SYNDIG1L: variants seen among roughly 807,000 people sequenced by gnomAD.
SYNDIG1L encodes the protein synapse differentiation inducing 1 like.
SYNDIG1L carries 13 observed loss-of-function variants against 20.1 expected under a neutral mutation model. The observed-to-expected ratio is 0.65, with a 90% confidence interval of 0.42 to 1.03. The LOEUF is 1.03. Ranked by LOEUF, SYNDIG1L falls within the 50% of genes least tolerant of loss-of-function variation. The pLI is 0.00. For synonymous variants in SYNDIG1L, 128 were observed against 129.3 expected (o/e 0.99, Z 0.07); for missense variants, 294 against 305.1 (o/e 0.96, Z 0.27).
At chr14:74,465,310 G>C in the SYNDIG1L span, among the ~76,000 whole-genome samples, 1 of 152,220 alleles carries the variant, frequency 6.6e-6, no homozygotes, top group African/African-American at 2.4e-5. Context: ...TCAGAGTTCA[G>C]TTAGGCCCAG....
At chr14:74,423,404 T>C (rs2086239912) in intron 1 of SYNDIG1L, among the ~76,000 whole-genome samples, 3 of 152,340 alleles carry the variant, frequency 2.0e-5, no homozygotes, top group South Asian at 2.1e-4. Context: ...TTGCTGCTGC[T>C]GCTGCCGTCA....
In SYNDIG1L at chr14:74,406,127, C is replaced by A. The variant is rs2086076829; in HGVS notation, c.*1408G>T. ...TGTAGCTTGAGTCCAGACAGGCCTG[C>A]CCACATTGGTGCTGCCCCCCGCCTA... On this transcript the variant is annotated 3_prime_UTR_variant, in exon 4 of 4. Transcript: ENST00000331628. 1 of 398,738 alleles carries A rather than the reference C, an allele frequency of 2.5e-6. No individual in the cohort carries two copies. The highest frequency in any genetic ancestry group is 2.1e-5 in the African/African-American group (1 of 48,592). 24.7% of individuals were successfully genotyped at this position (398,738 alleles called of 1,614,324 possible).
At chr14:74,426,275 C>T (rs1566586818), upstream of SYNDIG1L, among the ~76,000 whole-genome samples, 1 of 152,100 alleles carries the variant, frequency 6.6e-6, no homozygotes, top group Non-Finnish European at 1.5e-5. Flanking sequence ...CCTCTCGCTT[C>T]CGTGCTCCGT....
At chr14:74,473,279 C>G in the SYNDIG1L span, among the ~76,000 whole-genome samples, 1 of 151,786 alleles carries the variant, frequency 6.6e-6, no homozygotes, top group Non-Finnish European at 1.5e-5. Flanking sequence ...TAGCTACTCA[C>G]GAGGCTGAGG....
At chr14:74,452,867 C>T in the SYNDIG1L span, among the ~76,000 whole-genome samples, 21 of 152,070 alleles carry the variant, frequency 1.4e-4, no homozygotes, top group Admixed American at 5.2e-4. Flanking sequence ...GAATAAAATA[C>T]GATATATCCA....
At chr14:74,460,423 T>G in the SYNDIG1L span, among the ~76,000 whole-genome samples, 1 of 152,124 alleles carries the variant, frequency 6.6e-6, no homozygotes, top group African/African-American at 2.4e-5. Flanking sequence ...CACAGCCACC[T>G]CCTGAACCTG....
At chr14:74,409,218 A>G in intron 2 of SYNDIG1L, 110 bp downstream of exon 2, 1 of 803,522 alleles carries the variant, frequency 1.2e-6, no homozygotes, top group Non-Finnish European at 1.9e-6. Flanking sequence ...AGCTGGGACC[A>G]CAGGCACATG....
In SYNDIG1L at chr14:74,412,548, G is replaced by A. The variant is rs192327710; in HGVS notation, c.-57-2747C>T. On this transcript the variant is annotated intron_variant, in intron 1 of 3. Coordinates refer to ENST00000331628, the MANE Select transcript of SYNDIG1L (RefSeq NM_001105579.2). ...TCCTATGCCCCCAAGGAACACCACAGAAGTGAAGTCTTGTTGTCCTCTGCC... is the reference window on the plus strand; with the variant it reads ...TCCTATGCCCCCAAGGAACACCACAAAAGTGAAGTCTTGTTGTCCTCTGCC... Among the ~76,000 whole-genome samples the A allele has an allele frequency of 1.8e-4, 27 of 152,326 alleles. 1 individual carries two copies. The East Asian group carries it at 4.4e-3, about 25-fold the overall frequency.
chr14:74,473,332 A>T, the SYNDIG1L span, among the ~76,000 whole-genome samples: 3 of 152,212 alleles, frequency 2.0e-5, no homozygotes, highest in East Asian at 5.8e-4. Flanking sequence ...TTGCAGTGAG[A>T]TGAGATCATG....
chr14:74,472,918 A>G, the SYNDIG1L span, among the ~76,000 whole-genome samples: 2 of 152,098 alleles, frequency 1.3e-5, no homozygotes, highest in African/African-American at 4.8e-5. Flanking sequence ...GAGTCAGAGG[A>G]GGGGGGCGGA....
chr14:74,468,438 C>A, the SYNDIG1L span, among the ~76,000 whole-genome samples: 1 of 152,038 alleles, frequency 6.6e-6, no homozygotes, highest in Admixed American at 6.6e-5. Flanking sequence ...CCTCATTTGA[C>A]CTTCCCTTTA....
At chr14:74,444,643 T>C in the SYNDIG1L span, among the ~76,000 whole-genome samples, 3 of 151,776 alleles carry the variant, frequency 2.0e-5, no homozygotes, top group African/African-American at 4.8e-5. Context: ...TCTAGCTACC[T>C]GGGAGGCTGA....
intron 1 of SYNDIG1L, 111 bp from the exon 2 acceptor site, chr14:74,409,912 GC>G: frequency 1.2e-6 from 1 of 851,294 alleles, no homozygotes; most frequent in East Asian, 3.3e-5. Flanking sequence ...CTCTGCCTCT[GC>G]CCTTTGCAAG....
rs1434177266 is a variant in SYNDIG1L at position 74,407,962 on chromosome 14, T to C, written c.445A>G (p.Ser149Gly). The C allele has an allele frequency of 1.1e-5, 18 of 1,613,046 alleles. No homozygotes were observed. The highest frequency in any genetic ancestry group is 1.5e-5 in the Non-Finnish European group (18 of 1,179,520). ...GGCAGCGTGAGGAAGTTGTCTTCAC[T>C]TTCACTCTCCGTTGAAGTGGCATCG... ...ESDATSTESE[S>G]EDNFLTLPPR... is the part of the protein sequence containing the mutation. The change falls in exon 3 of 4, where the codon AGT (serine) becomes GGT (glycine). Residue 149 changes from serine (S) to glycine (G), a missense_variant. By Grantham distance (56) the Ser-to-Gly change is moderately conservative. Transcript: ENST00000331628.
At chr14:74,425,186 CAGAA>C (rs149808111) in intron 1 of SYNDIG1L, among the ~76,000 whole-genome samples, 3,191 of 152,276 alleles carry the variant, frequency 0.021, 108 homozygotes, top group African/African-American at 0.074. Flanking sequence ...GCACTCTTGC[CAGAA>C]AGAGAGAGAA....
At chr14:74,450,017 T>G in the SYNDIG1L span, among the ~76,000 whole-genome samples, 1 of 152,096 alleles carries the variant, frequency 6.6e-6, no homozygotes, top group Non-Finnish European at 1.5e-5. Flanking sequence ...ATTGCTAACA[T>G]CAGGAGTGAG....
chr14:74,448,838 G>C, the SYNDIG1L span, among the ~76,000 whole-genome samples: 5 of 152,276 alleles, frequency 3.3e-5, no homozygotes, highest in African/African-American at 9.6e-5. Flanking sequence ...AGAGGCTGAG[G>C]CAGGAGGATC....
In SYNDIG1L at chr14:74,420,470, G is replaced by A. The variant is rs114651638; in HGVS notation, c.-58+5442C>T. 2.8e-3 allele frequency among the ~76,000 whole-genome samples: 421 copies of A among 151,688 alleles called. 4 individuals carry two copies. The highest frequency in any genetic ancestry group is 9.6e-3 in the African/African-American group (396 of 41,310). ...GTGGCAGAATTGAAAAGGAGGAAGA[G>A]TCAGATCTAAGGAGCAATTAGGAGG... On this transcript the variant is annotated intron_variant, in intron 1 of 3. Coordinates refer to ENST00000331628, the MANE Select transcript of SYNDIG1L (RefSeq NM_001105579.2).
At chr14:74,427,562 G>A (rs952755747), upstream of SYNDIG1L, among the ~76,000 whole-genome samples, 1 of 152,082 alleles carries the variant, frequency 6.6e-6, no homozygotes, top group Non-Finnish European at 1.5e-5. Context: ...CCTTATCCTG[G>A]GGTCTGTCTC....
Sources: gnomAD v4.1 joint callset for allele counts (sites outside exome capture counted in the v4.1 genomes callset) on GRCh38, gnomAD v4.1.1 for gene constraint, MANE v1.5 for transcripts, NCBI Gene and HGNC (gene_info 2026-07-23, HGNC 2026-07-21) for gene names.